CDC42SE2: variants seen among roughly 807,000 people sequenced by gnomAD.
CDC42SE2 encodes CDC42 small effector 2.
In CDC42SE2, 3 loss-of-function variants were observed where a neutral mutation model predicts 11.5. That is an observed-to-expected ratio of 0.26 (90% confidence interval 0.12 to 0.67). CDC42SE2 has a LOEUF of 0.67. Ranked by LOEUF, CDC42SE2 falls within the 30% of genes least tolerant of loss-of-function variation. CDC42SE2 has a pLI of 0.80. For synonymous variants in CDC42SE2, 33 were observed against 34.8 expected (o/e 0.95, Z 0.18); for missense variants, 82 against 106.8 (o/e 0.77, Z 1.02).
chr5:131,346,312 A>G (rs571069730), intron 2 of CDC42SE2, among the ~76,000 whole-genome samples: 3 of 152,190 alleles, frequency 2.0e-5, no homozygotes, highest in African/African-American at 7.2e-5. Flanking sequence ...AGGAAGATCT[A>G]CCAAGCAAAT....
chr5:131,221,132 C>T, the CDC42SE2 span, among the ~76,000 whole-genome samples: 2 of 152,082 alleles, frequency 1.3e-5, no homozygotes, highest in African/African-American at 2.4e-5. Context: ...GCGAGCCACC[C>T]GCCTTGGCCT....
At chr5:131,293,713 G>A (rs563612528) in intron 1 of CDC42SE2, among the ~76,000 whole-genome samples, 61 of 152,220 alleles carry the variant, frequency 4.0e-4, no homozygotes, top group African/African-American at 1.4e-3. Context: ...TTTTGTTATA[G>A]CAGCCTGAAC....
At chr5:131,379,904 G>A (rs140198241) in intron 3 of CDC42SE2, among the ~76,000 whole-genome samples, 42 of 151,978 alleles carry the variant, frequency 2.8e-4, no homozygotes, top group African/African-American at 9.9e-4. Context: ...CCCCTTGTTT[G>A]CCCATGACTA....
At chr5:131,312,196 C>A (rs1331863964) in intron 1 of CDC42SE2, among the ~76,000 whole-genome samples, 1 of 150,966 alleles carries the variant, frequency 6.6e-6, no homozygotes, top group Non-Finnish European at 1.5e-5. Context: ...TGTTGGAGTA[C>A]CTTGCTGTGT....
At chr5:131,332,417 A>T (rs1338647415) in intron 2 of CDC42SE2, among the ~76,000 whole-genome samples, 1 of 152,156 alleles carries the variant, frequency 6.6e-6, no homozygotes, top group Non-Finnish European at 1.5e-5. Context: ...GAATAGTGCC[A>T]CAATAAACAT....
intron 3 of CDC42SE2, among the ~76,000 whole-genome samples, chr5:131,378,319 T>C (rs1301017384): frequency 6.6e-6 from 1 of 152,228 alleles, no homozygotes; most frequent in Non-Finnish European, 1.5e-5. Flanking sequence ...ATTTTTTATA[T>C]TATTACAACT....
intron 1 of CDC42SE2, among the ~76,000 whole-genome samples, chr5:131,306,980 T>G (rs1452618216): frequency 6.6e-6 from 1 of 152,078 alleles, no homozygotes; most frequent in Non-Finnish European, 1.5e-5. Flanking sequence ...TTCTAACAGT[T>G]TTTTGGTGGA....
chr5:131,365,708 CGTG>C (rs1229394433), intron 3 of CDC42SE2, among the ~76,000 whole-genome samples: 1 of 152,140 alleles, frequency 6.6e-6, no homozygotes, highest in African/African-American at 2.4e-5. Context: ...CAGGGCCTGG[CGTG>C]GTGGCTCACA....
chr5:131,320,977 T>A (rs895020976), intron 2 of CDC42SE2, among the ~76,000 whole-genome samples: 1 of 152,314 alleles, frequency 6.6e-6, no homozygotes, highest in Admixed American at 6.5e-5. Context: ...TTTTCCTCTT[T>A]ATATTCTTGG....
chr5:131,270,310 G>T (rs551927282), intron 1 of CDC42SE2, among the ~76,000 whole-genome samples: 111 of 152,194 alleles, frequency 7.3e-4, no homozygotes, highest in Non-Finnish European at 1.3e-3. Context: ...GGGAGGCAGA[G>T]CTTGCAGTGA....
chr5:131,257,956 G>T (rs1039627564), intron 2 of CDC42SE2, among the ~76,000 whole-genome samples: 1 of 152,146 alleles, frequency 6.6e-6, no homozygotes, highest in Non-Finnish European at 1.5e-5. Flanking sequence ...TCCGTGCTAA[G>T]GGGCTTCCTC....
chr5:131,349,862 A>G (rs1436853403), intron 2 of CDC42SE2, among the ~76,000 whole-genome samples: 3 of 152,186 alleles, frequency 2.0e-5, no homozygotes, highest in South Asian at 2.1e-4. Flanking sequence ...TTAATATACT[A>G]TTATTCTAGG....
intron 1 of CDC42SE2, among the ~76,000 whole-genome samples, chr5:131,313,110 G>A (rs2149726672): frequency 6.6e-6 from 1 of 151,770 alleles, no homozygotes; most frequent in South Asian, 2.1e-4. Flanking sequence ...AGCCTCCCTT[G>A]TAGCTGGGAC....
At chr5:131,295,329 A>G (rs1471955616) in intron 1 of CDC42SE2, among the ~76,000 whole-genome samples, 2 of 152,196 alleles carry the variant, frequency 1.3e-5, no homozygotes, top group Admixed American at 6.5e-5. Context: ...AAAAAAAGAT[A>G]GCTATTACAG....
At chr5:131,244,828 G>C (rs1168256989), upstream of CDC42SE2, among the ~76,000 whole-genome samples, 1 of 152,076 alleles carries the variant, frequency 6.6e-6, no homozygotes, top group Non-Finnish European at 1.5e-5. Flanking sequence ...TCTGAAGGGG[G>C]GTGGATTCAC....
At chr5:131,383,111 G>A (rs1001674985) in intron 3 of CDC42SE2, among the ~76,000 whole-genome samples, 1 of 152,150 alleles carries the variant, frequency 6.6e-6, no homozygotes, top group Non-Finnish European at 1.5e-5. Context: ...GAAAAAGATG[G>A]GGAACAGAGG....
rs1251068650 is a variant in CDC42SE2 at position 131,391,478 on chromosome 5, C to G, written c.*387C>G. The G allele has an allele frequency of 1.3e-5, 2 of 152,842 alleles. No individual in the cohort carries two copies. Among genetic ancestry groups the G allele is most frequent in the Admixed American group, 1.3e-4 (2 of 15,286 alleles). The allele number at this position is 152,842 out of a possible 1,614,324, so 9.5% of individuals were successfully genotyped here. Reference sequence around the variant, plus strand: ...CCTGAGGCCAGGAATTGGAGACTAGCCTGGCCAACATGGTGAAACCCCATC... The same window carrying G: ...CCTGAGGCCAGGAATTGGAGACTAGGCTGGCCAACATGGTGAAACCCCATC... On this transcript the variant is annotated 3_prime_UTR_variant, in exon 5 of 5. Coordinates refer to ENST00000505065, the MANE Select transcript of CDC42SE2 (RefSeq NM_001375635.1).
At chr5:131,387,544 C>A (rs940113202) in intron 4 of CDC42SE2, among the ~76,000 whole-genome samples, 4 of 151,838 alleles carry the variant, frequency 2.6e-5, no homozygotes, top group Admixed American at 6.6e-5. Context: ...AGAGTGAAAC[C>A]CCATCTTAAA....
At chr5:131,241,080 G>T (rs1476112934), upstream of CDC42SE2, among the ~76,000 whole-genome samples, 3 of 152,134 alleles carry the variant, frequency 2.0e-5, no homozygotes, top group Non-Finnish European at 4.4e-5. Context: ...CTGGGTTCAC[G>T]CCATTCTCCT....
Sources: allele counts gnomAD v4.1 joint callset (sites outside exome capture counted in the v4.1 genomes callset), GRCh38; gene constraint gnomAD v4.1.1; transcripts MANE v1.5; gene names NCBI Gene and HGNC (gene_info 2026-07-23, HGNC 2026-07-21).